The following AKAP19 variants were observed in gnomAD, a reference collection of about 807,000 sequenced individuals.
AKAP19 encodes small A-kinase anchoring protein.
chr2:190,034,500 G>A, the AKAP19 span, among the ~76,000 whole-genome samples: 1 of 129,820 alleles, frequency 7.7e-6, no homozygotes, highest in Non-Finnish European at 1.6e-5. Flanking sequence ...TCATTTAAGG[G>A]CTGTAAGCGG....
the AKAP19 span, among the ~76,000 whole-genome samples, chr2:190,067,353 T>C: frequency 0.32 from 49,356 of 152,040 alleles, 10,876 homozygotes; most frequent in African/African-American, 0.63. Context: ...ATCCCCAGAC[T>C]GTACTTGGAG....
chr2:190,063,404 T>A, the AKAP19 span, among the ~76,000 whole-genome samples: 1 of 152,122 alleles, frequency 6.6e-6, no homozygotes, highest in Non-Finnish European at 1.5e-5. Flanking sequence ...GACTGAGTGC[T>A]ATTATTTCCT....
the AKAP19 span, among the ~76,000 whole-genome samples, chr2:190,160,324 A>C: frequency 7.4e-6 from 1 of 134,798 alleles, no homozygotes; most frequent in African/African-American, 2.5e-5. Context: ...GGATGGCACT[A>C]GGCTTAGAAT....
At chr2:190,147,982 C>T in the AKAP19 span, among the ~76,000 whole-genome samples, 4 of 152,096 alleles carry the variant, frequency 2.6e-5, no homozygotes, top group Admixed American at 1.3e-4. Context: ...TCTTTACCAA[C>T]GTGGATGCCC....
the AKAP19 span, among the ~76,000 whole-genome samples, chr2:190,178,262 G>A: frequency 3.3e-5 from 5 of 152,196 alleles, no homozygotes; most frequent in African/African-American, 1.2e-4. The surrounding 1 kb of genome is among the most constrained non-coding windows in gnomAD (Gnocchi z 6.3). Flanking sequence ...TTCCCTCGAC[G>A]CATCTTCCCT....
At chr2:190,181,016 G>C in the AKAP19 span, 1 of 985,608 alleles carries the variant, frequency 1.0e-6, no homozygotes, top group Non-Finnish European at 1.2e-6. Flanking sequence ...CGGGAGCTTC[G>C]GAGACCCGCC....
chr2:189,891,212 CTTTTTTTTTCCTTTTT>C, the AKAP19 span, among the ~76,000 whole-genome samples: 1 of 120,766 alleles, frequency 8.3e-6, no homozygotes, highest in Non-Finnish European at 1.8e-5. Context: ...GTTGAAAGTT[CTTTTTTTTTCCTTTTT>C]TTTTTTTTTT....
At chr2:189,981,014 A>G in the AKAP19 span, among the ~76,000 whole-genome samples, 1 of 152,334 alleles carries the variant, frequency 6.6e-6, no homozygotes, top group Admixed American at 6.5e-5. Context: ...GGAATAGAGT[A>G]TTCTGTAGAT....
At chr2:190,165,801 T>G in the AKAP19 span, among the ~76,000 whole-genome samples, 38 of 151,964 alleles carry the variant, frequency 2.5e-4, no homozygotes, top group Non-Finnish European at 4.9e-4. Flanking sequence ...CTCAACAAAT[T>G]CCAAACAGAA....
At chr2:190,043,925 A>T in the AKAP19 span, among the ~76,000 whole-genome samples, 1 of 152,134 alleles carries the variant, frequency 6.6e-6, no homozygotes, top group Admixed American at 6.5e-5. Flanking sequence ...TGTGAAGCTG[A>T]CTTCTTGTCT....
the AKAP19 span, among the ~76,000 whole-genome samples, chr2:189,971,035 C>A: frequency 6.6e-6 from 1 of 151,904 alleles, no homozygotes. Context: ...GCACAATGTG[C>A]AGGTTTGTTA....
the AKAP19 span, among the ~76,000 whole-genome samples, chr2:190,070,635 G>C: frequency 7.5e-6 from 1 of 132,724 alleles, no homozygotes; most frequent in South Asian, 2.3e-4. Context: ...TTTTTTTTTG[G>C]TAACCTGCAG....
At chr2:190,061,325 G>A in the AKAP19 span, among the ~76,000 whole-genome samples, 3 of 152,018 alleles carry the variant, frequency 2.0e-5, no homozygotes, top group African/African-American at 7.2e-5. Flanking sequence ...CTGTCAAGGT[G>A]CCTGTTTCTC....
the AKAP19 span, among the ~76,000 whole-genome samples, chr2:189,928,523 A>T: frequency 6.6e-6 from 1 of 152,138 alleles, no homozygotes; most frequent in African/African-American, 2.4e-5. Flanking sequence ...AATTTGCTTT[A>T]TGTAATTGGG....
chr2:190,149,833 A>C, the AKAP19 span, among the ~76,000 whole-genome samples: 1 of 152,140 alleles, frequency 6.6e-6, no homozygotes, highest in Non-Finnish European at 1.5e-5. Context: ...TGTTATGTCC[A>C]TTTGTTCCAA....
chr2:190,053,672 T>A, the AKAP19 span, among the ~76,000 whole-genome samples: 1 of 152,196 alleles, frequency 6.6e-6, no homozygotes, highest in Non-Finnish European at 1.5e-5. Flanking sequence ...GCCTATAGTT[T>A]CATTTCTTAG....
the AKAP19 span, among the ~76,000 whole-genome samples, chr2:190,118,445 G>A: frequency 6.6e-6 from 1 of 152,326 alleles, no homozygotes; most frequent in South Asian, 2.1e-4. Context: ...TATCCCTGAT[G>A]AACATCGATG....
At chr2:190,005,501 T>C in the AKAP19 span, among the ~76,000 whole-genome samples, 3 of 152,328 alleles carry the variant, frequency 2.0e-5, no homozygotes, top group Middle Eastern at 3.4e-3. Flanking sequence ...TCACCTCTCA[T>C]TGCCACCTTC....
chr2:189,958,587 T>C, the AKAP19 span, among the ~76,000 whole-genome samples: 1 of 150,162 alleles, frequency 6.7e-6, no homozygotes, highest in Non-Finnish European at 1.5e-5. Context: ...TGTGTGTGTA[T>C]ATACACAGAC....
Sources: gnomAD v4.1 joint callset for allele counts (sites outside exome capture counted in the v4.1 genomes callset) on GRCh38, gnomAD v4.1.1 for gene constraint, Gnocchi (gnomAD v3.1) non-coding constraint, MANE v1.5 for transcripts, NCBI Gene and HGNC (gene_info 2026-07-23, HGNC 2026-07-21) for gene names.